The following DUSP11 variants were observed in gnomAD, a reference collection of about 807,000 sequenced individuals.
DUSP11 encodes dual specificity phosphatase 11.
DUSP11 carries 27 observed loss-of-function variants against 41.4 expected under a neutral mutation model. That is an observed-to-expected ratio of 0.65 (90% CI 0.48 to 0.90). The LOEUF (loss-of-function observed/expected upper bound fraction) is 0.90, where lower values mean the gene tolerates loss of function less well. DUSP11 is among the 40% of genes least tolerant of loss of function. DUSP11 has a pLI of 0.00. For missense variants in DUSP11, 465 were observed against 461.1 expected (o/e 1.01, Z -0.08); for synonymous variants, 188 against 159.3 (o/e 1.18, Z -1.35).
intron 3 of DUSP11, among the ~76,000 whole-genome samples, chr2:73,774,562 A>T (rs1672645213): frequency 6.6e-6 from 1 of 152,196 alleles, no homozygotes; most frequent in South Asian, 2.1e-4. Flanking sequence ...CCCACCTCAT[A>T]GATCCTTTAG....
At chr2:73,770,845 G>A (rs776242637) in intron 4 of DUSP11, among the ~76,000 whole-genome samples, 2 of 151,980 alleles carry the variant, frequency 1.3e-5, no homozygotes, top group African/African-American at 2.4e-5. Context: ...CTCTGATCCC[G>A]TTTCTCCTGC....
intron 8 of DUSP11, among the ~76,000 whole-genome samples, chr2:73,765,654 T>C (rs1672447315): frequency 6.6e-6 from 1 of 152,240 alleles, no homozygotes; most frequent in African/African-American, 2.4e-5. Flanking sequence ...TGTACCACTT[T>C]AACCATACTG....
At chr2:73,775,335 G>A (rs1170349511) in intron 2 of DUSP11, among the ~76,000 whole-genome samples, 3 of 149,774 alleles carry the variant, frequency 2.0e-5, no homozygotes, top group Admixed American at 1.3e-4. Flanking sequence ...CAGGTGGAGT[G>A]CTTATCATAT....
chr2:73,774,812 A>G, intron 3 of DUSP11, 101 bp downstream of exon 3: 1 of 1,021,850 alleles, frequency 9.8e-7, no homozygotes, highest in Admixed American at 2.6e-5. Flanking sequence ...CCCATCAAAG[A>G]AGGCCAAGCT....
intron 4 of DUSP11, 90 bp from the exon 5 acceptor site, chr2:73,769,415 A>G: frequency 1.0e-6 from 1 of 989,748 alleles, no homozygotes; most frequent in South Asian, 1.5e-5. Context: ...AACTCTTAAG[A>G]GGAATTGTTT....
chr2:73,763,271 G>A (rs547236110), intron 8 of DUSP11, among the ~76,000 whole-genome samples: 61 of 152,302 alleles, frequency 4.0e-4, no homozygotes, highest in African/African-American at 1.4e-3. Context: ...AGTTAGTACT[G>A]AGAACAGATA....
At chr2:73,778,441 CTT>C (rs1672726085) in intron 1 of DUSP11, 65 bp from the exon 2 acceptor site, 1 of 1,120,418 alleles carries the variant, frequency 8.9e-7, no homozygotes. Context: ...CAAAATAAGA[CTT>C]TTTGAAAATG....
chr2:73,773,046 A>G (rs1672616642), intron 4 of DUSP11, among the ~76,000 whole-genome samples: 1 of 152,238 alleles, frequency 6.6e-6, no homozygotes. Context: ...GTCTTAAAAT[A>G]TGACAAATAT....
Position 73,762,685 on chromosome 2 carries a change from T to G in DUSP11, c.1110A>C (p.Pro370=), listed in dbSNP as rs1187707033. 1.9e-6 allele frequency: 3 copies of G among 1,612,594 alleles called. No individual in the cohort carries two copies. The African/African-American group carries it at 4.0e-5, about 22-fold the overall frequency. ...ATCACTGGGTCCATTCCCAACAGGC[T>G]GGATAGGAGAGTCTGGAGTAATTAT... The change falls in exon 9 of 9, where the codon CCA becomes CCC. Residue 370 remains proline (P), a synonymous_variant. Coordinates refer to ENST00000272444, the Ensembl canonical transcript of DUSP11.
chr2:73,775,022 G>A, exon 3 of DUSP11: 1 of 1,610,792 alleles, frequency 6.2e-7, no homozygotes, highest in Non-Finnish European at 8.5e-7. Flanking sequence ...GCATTCTTCT[G>A]GAGCAAGTTT....
At chr2:73,763,956 T>C (rs376055935) in intron 8 of DUSP11, among the ~76,000 whole-genome samples, 1 of 152,326 alleles carries the variant, frequency 6.6e-6, no homozygotes. Flanking sequence ...TTTAGCTACA[T>C]TCTCCACTGT....
chr2:73,773,463 C>CA lies in DUSP11; in HGVS notation c.574+336dup, dbSNP rs370851741. On this transcript the variant is annotated intron_variant, in intron 4 of 8. Transcript: ENST00000272444. Reference sequence around the variant, plus strand: ...GTCTCTTTCACATAACTCTAAGACTCAGAGTTTTTTAATCTTTTCTTCTAC... The same window carrying CA: ...GTCTCTTTCACATAACTCTAAGACTCAAGAGTTTTTTAATCTTTTCTTCTAC... 3.4e-4 allele frequency: 132 copies of CA among 389,282 alleles called. 1 individual carries two copies. Among genetic ancestry groups the CA allele is most frequent in the South Asian group, 2.6e-3 (130 of 50,782 alleles). 24.1% of individuals were successfully genotyped at this position (389,282 alleles called of 1,614,324 possible).
intron 1 of DUSP11, among the ~76,000 whole-genome samples, 172 bp from the exon 2 acceptor site, chr2:73,778,548 C>A (rs1255783917): frequency 3.3e-5 from 5 of 152,248 alleles, no homozygotes; most frequent in Non-Finnish European, 5.9e-5. Flanking sequence ...CCTATACCGT[C>A]CTTCTCTCCT....
chr2:73,777,678 T>C (rs903650579), intron 2 of DUSP11, among the ~76,000 whole-genome samples: 1 of 152,224 alleles, frequency 6.6e-6, no homozygotes. Flanking sequence ...CTAAACAACT[T>C]GCCAAATTCA....
At chr2:73,779,511 G>A (rs1369774370) in intron 1 of DUSP11, 1 of 256,140 alleles carries the variant, frequency 3.9e-6, no homozygotes, top group Non-Finnish European at 7.6e-6. Flanking sequence ...CTACTGCTGG[G>A]TTCCTAACTC....
chr2:73,771,471 T>C (rs1255055866), intron 4 of DUSP11, among the ~76,000 whole-genome samples: 1 of 152,002 alleles, frequency 6.6e-6, no homozygotes, highest in Non-Finnish European at 1.5e-5. Flanking sequence ...TAATTTATTC[T>C]TTTATTATGA....
chr2:73,775,401 T>C (rs1213177200), intron 2 of DUSP11, among the ~76,000 whole-genome samples: 1 of 148,260 alleles, frequency 6.7e-6, no homozygotes, highest in Non-Finnish European at 1.5e-5. Context: ...AAACAGGGTG[T>C]TGCTCTGTCA....
At chr2:73,767,164 C>T in exon 6 of DUSP11, 1 of 1,611,004 alleles carries the variant, frequency 6.2e-7, no homozygotes, top group South Asian at 1.1e-5. Flanking sequence ...TACTTACATT[C>T]AATTGCATCA....
At chr2:73,778,524 C>A in intron 1 of DUSP11, 148 bp from the exon 2 acceptor site, 1 of 506,968 alleles carries the variant, frequency 2.0e-6, no homozygotes, top group Non-Finnish European at 3.4e-6. Flanking sequence ...TTATTAAACC[C>A]CACCAAGTAA....
Sources: allele counts gnomAD v4.1 joint callset (sites outside exome capture counted in the v4.1 genomes callset), GRCh38; gene constraint gnomAD v4.1.1; transcripts MANE v1.5; gene names NCBI Gene and HGNC (gene_info 2026-07-23, HGNC 2026-07-21).